MTIF2: variants seen among roughly 807,000 people sequenced by gnomAD.
The protein encoded by MTIF2 is mitochondrial translational initiation factor 2.
MTIF2 carries 71 observed loss-of-function variants against 83.5 expected under a neutral mutation model. That is an observed-to-expected ratio of 0.85 (90% CI 0.70 to 1.04). The LOEUF is 1.04. MTIF2 is among the 50% of genes least tolerant of loss of function. The pLI is 0.00. For missense variants in MTIF2, 957 were observed against 846.5 expected (o/e 1.13, Z -1.62); for synonymous variants, 319 against 287.1 (o/e 1.11, Z -1.12).
chr2:55,258,705 G>A (rs544650679), intron 5 of MTIF2, among the ~76,000 whole-genome samples: 3 of 151,696 alleles, frequency 2.0e-5, no homozygotes, highest in Non-Finnish European at 4.4e-5. Context: ...CCAGCTACTC[G>A]GGAGGCTGAG....
rs201632577 is a variant in MTIF2 at position 55,254,658 on chromosome 2, T to C, written c.499A>G (p.Arg167Gly). 1.3e-6 allele frequency: 2 copies of C among 1,599,208 alleles called. No individual in the cohort carries two copies. Among genetic ancestry groups the C allele is most frequent in the Admixed American group, 3.5e-5 (2 of 57,552 alleles). Residue 167 changes from arginine (R) to glycine (G), a missense_variant, in exon 6 of 16, where the codon AGA becomes GGA. Transcript: ENST00000263629. ...GTATATACAGTTAAGTTTTACCTTCTTACAGCATCTTTATTTTTTCTGACT... is the reference window on the plus strand; with the variant it reads ...GTATATACAGTTAAGTTTTACCTTCCTACAGCATCTTTATTTTTTCTGACT... ...DKVRKNKDAV[R>G]RPQADPALLT...
intron 3 of MTIF2, among the ~76,000 whole-genome samples, chr2:55,266,065 G>A (rs1046070709): frequency 1.3e-5 from 2 of 151,982 alleles, no homozygotes; most frequent in Non-Finnish European, 2.9e-5. Context: ...GTAAATTTTG[G>A]CATGCGGCAG....
intron 7 of MTIF2, among the ~76,000 whole-genome samples, chr2:55,253,498 G>GTGTCGAAATA (rs1677260760): frequency 6.6e-6 from 1 of 151,840 alleles, no homozygotes; most frequent in Non-Finnish European, 1.5e-5. Flanking sequence ...GGCCAACATG[G>GTGTCGAAATA]CAAAACCCCG....
rs576783899 is a variant in MTIF2, at chr2:55,261,709, CAGA to C, written c.331+604_331+606del. ...ATCCCAGCACTTTGGGAGGTTGAGG[CAGA>C]AGGATTACTTGCACCCAGGAGTTCA... On this transcript the variant is annotated intron_variant, in intron 5 of 15. Coordinates refer to ENST00000263629, the MANE Select transcript of MTIF2 (RefSeq NM_002453.3). 2.7e-3 allele frequency among the ~76,000 whole-genome samples: 414 copies of C among 151,930 alleles called. 1 individual carries two copies. Among genetic ancestry groups the C allele is most frequent in the African/African-American group, 9.7e-3 (402 of 41,434 alleles).
At chr2:55,253,924 G>T in intron 7 of MTIF2, 117 bp downstream of exon 7, 1 of 1,065,050 alleles carries the variant, frequency 9.4e-7, no homozygotes, top group Non-Finnish European at 1.3e-6. Flanking sequence ...TCAAACTAAT[G>T]ACTGCAAGCT....
chr2:55,253,419 C>A (rs1677254204), intron 7 of MTIF2, among the ~76,000 whole-genome samples: 1 of 152,206 alleles, frequency 6.6e-6, no homozygotes, highest in South Asian at 2.1e-4. Context: ...TGGCTCACAC[C>A]TGTAATCCTA....
rs375928778 is a variant in MTIF2, at chr2:55,257,029, CTTA to C, written c.332-2207_332-2205del. 4.4e-4 allele frequency among the ~76,000 whole-genome samples: 67 copies of C among 152,268 alleles called. No homozygotes were observed. The East Asian group carries it at 0.011, about 25-fold the overall frequency. ...TCTTGAAATATAGGAAAAATATTTACTTATTCTCTTTTTCATTTTATTTAATGT... is the reference window on the plus strand; with the variant it reads ...TCTTGAAATATAGGAAAAATATTTACTTCTCTTTTTCATTTTATTTAATGT... On this transcript the variant is annotated intron_variant, in intron 5 of 15. Transcript: ENST00000263629.
intron 10 of MTIF2, among the ~76,000 whole-genome samples, chr2:55,245,295 T>A (rs907058127): frequency 1.3e-5 from 2 of 151,678 alleles, no homozygotes; most frequent in African/African-American, 4.8e-5. Flanking sequence ...GCTGAGGCGG[T>A]TGGATCACCT....
At chr2:55,251,857 C>T (rs1423153216) in intron 8 of MTIF2, among the ~76,000 whole-genome samples, 1 of 152,160 alleles carries the variant, frequency 6.6e-6, no homozygotes, top group Non-Finnish European at 1.5e-5. Context: ...TCCCAATGAC[C>T]TCAGGTGATC....
At position 55,246,609 on chromosome 2, in the gene MTIF2, G is replaced by C. The variant is rs1037289662; in HGVS notation, c.982-148C>G. On this transcript the variant is annotated intron_variant, in intron 9 of 15. Transcript: ENST00000263629. The stretch of plus-strand genomic sequence containing the variant: ...AAGCATGATTACTCAATTTAACAAA[G>C]AAAGGGAGGGAGGGGAAACAAAAAT... 1.3e-5 allele frequency: 9 copies of C among 671,708 alleles called. No homozygotes were observed. In the African/African-American group the frequency reaches 1.6e-4, roughly 12 times the overall value. The allele number at this position is 671,708 out of a possible 1,614,324, so 41.6% of individuals were successfully genotyped here.
At position 55,242,999 on chromosome 2, in the gene MTIF2, A is replaced by G. The variant is rs776356654; in HGVS notation, c.1646T>C (p.Val549Ala). ...DASHECELEL[V>A]HFGVGDVSAN... ...ACTTACATCACCCACTCCAAAATGT[A>G]CTAATTCTAGTTCACACTCGTGTGA... Residue 549 changes from valine (V) to alanine (A), a missense_variant, in exon 13 of 16, where the codon GTA (valine) becomes GCA (alanine). By Grantham distance (64) the Val-to-Ala change is moderately conservative. Transcript: ENST00000263629. 6.2e-7 allele frequency: 1 copy of G among 1,613,202 alleles called. No homozygotes were observed. The highest frequency in any genetic ancestry group is 1.1e-5 in the South Asian group (1 of 90,960).
At chr2:55,249,574 C>A (rs745460789) in intron 8 of MTIF2, 40 bp from the exon 9 acceptor site, 6 of 1,597,272 alleles carry the variant, frequency 3.8e-6, no homozygotes, top group African/African-American at 2.7e-5. Flanking sequence ...AATGATGACA[C>A]CTTCAATTCC....
chr2:55,241,527 C>A (rs1251448163), intron 13 of MTIF2, among the ~76,000 whole-genome samples: 2 of 151,696 alleles, frequency 1.3e-5, no homozygotes, highest in Non-Finnish European at 2.9e-5. Context: ...AAAACACAAT[C>A]ACCTTGAAAG....
intron 9 of MTIF2, among the ~76,000 whole-genome samples, chr2:55,248,044 C>A (rs1676831346): frequency 6.6e-6 from 1 of 152,166 alleles, no homozygotes; most frequent in Admixed American, 6.6e-5. Context: ...GCACATGCCA[C>A]CAAGCCAGGC....
intron 14 of MTIF2, 143 bp from the exon 15 acceptor site, chr2:55,237,571 C>T: frequency 1.7e-6 from 1 of 583,596 alleles, no homozygotes; most frequent in Non-Finnish European, 2.7e-6. Context: ...TTCTTTAACT[C>T]CAATTTTATT....
intron 13 of MTIF2, among the ~76,000 whole-genome samples, chr2:55,241,321 G>C (rs1676286535): frequency 1.3e-5 from 2 of 151,630 alleles, no homozygotes; most frequent in Non-Finnish European, 2.9e-5. Flanking sequence ...AGGAAACTAA[G>C]GCAGGAACAT....
intron 14 of MTIF2, among the ~76,000 whole-genome samples, chr2:55,237,641 CTTTTTTTCTTTTTTTTTT>C (rs910549836): frequency 4.8e-5 from 4 of 82,778 alleles, no homozygotes; most frequent in African/African-American, 1.8e-4. Context: ...TTTTCCTTTT[CTTTTTTTCTTTTTTTTTT>C]TTTTTTTTTG....
In MTIF2 at chr2:55,244,063, G is replaced by C; in HGVS notation, c.1277C>G (p.Ser426Cys). ...TACTTCAAGAATTTCTTCTCCTGCA[G>C]AAGGAAGGTCTCTCCAGCCTGTAAT... The part of the protein sequence containing the change: ...VGITGWRDLP[S>C]AGEEILEVES... The change falls in exon 11 of 16, where the codon TCT (serine) becomes TGT (cysteine). Residue 426 changes from serine to cysteine, a missense_variant. By Grantham distance (112) the Ser-to-Cys change is moderately radical. This residue lies in a region of MTIF2 where 733 missense variants were observed against 648.7 expected (regional missense o/e 1.13). Transcript: ENST00000263629. 6.2e-7 allele frequency: 1 copy of C among 1,614,072 alleles called. No homozygotes were observed. Among genetic ancestry groups the C allele is most frequent in the Non-Finnish European group, 8.5e-7 (1 of 1,179,996 alleles).
intron 12 of MTIF2, 95 bp downstream of exon 12, chr2:55,243,321 A>C (rs1340586345): frequency 7.2e-6 from 9 of 1,251,634 alleles, no homozygotes; most frequent in African/African-American, 4.6e-5. Flanking sequence ...AAAATATTGA[A>C]ATAATTTTCA....
Sources: allele counts gnomAD v4.1 joint callset (sites outside exome capture counted in the v4.1 genomes callset), GRCh38; gene constraint gnomAD v4.1.1; regional missense constraint gnomAD v4.1.1; transcripts MANE v1.5; gene names NCBI Gene and HGNC (gene_info 2026-07-23, HGNC 2026-07-21).